Variants in SLC24A3 observed in about 807,000 individuals in gnomAD.
The protein encoded by SLC24A3 is solute carrier family 24 member 3.
A neutral mutation model predicts 75.8 loss-of-function variants in SLC24A3; 28 were observed. The ratio of observed to expected loss-of-function variants is 0.37; its 90% CI spans 0.27 to 0.51. The LOEUF (loss-of-function observed/expected upper bound fraction) is 0.51, where lower values mean the gene tolerates loss of function less well. Among genes scored for constraint, SLC24A3 ranks in the 20% least tolerant of loss-of-function variants. The pLI, the probability that SLC24A3 is intolerant of heterozygous loss-of-function variation, is 0.94. For synonymous variants in SLC24A3, 372 were observed against 334.1 expected (o/e 1.11, Z -1.24); for missense variants, 663 against 847.8 (o/e 0.78, Z 2.71).
At chr20:19,261,410 C>T (rs1239559900) in intron 1 of SLC24A3, among the ~76,000 whole-genome samples, 1 of 152,194 alleles carries the variant, frequency 6.6e-6, no homozygotes, top group Non-Finnish European at 1.5e-5. Context: ...GGCATGATCA[C>T]AGCTCACTGC....
intron 6 of SLC24A3, among the ~76,000 whole-genome samples, chr20:19,624,497 CA>C (rs1327614223): frequency 6.6e-6 from 1 of 152,118 alleles, no homozygotes; most frequent in East Asian, 1.9e-4. Context: ...GGGCCCAGGA[CA>C]AAATAGCAGC....
intron 6 of SLC24A3, among the ~76,000 whole-genome samples, chr20:19,586,894 C>T (rs1272366336): frequency 2.0e-5 from 3 of 152,210 alleles, no homozygotes; most frequent in Non-Finnish European, 2.9e-5. Flanking sequence ...AGTCAATGAG[C>T]TCATGTCTTA....
intron 3 of SLC24A3, among the ~76,000 whole-genome samples, chr20:19,535,816 G>T (rs1392568570): frequency 6.6e-6 from 1 of 152,136 alleles, no homozygotes; most frequent in African/African-American, 2.4e-5. Context: ...CACAGACTAG[G>T]AAATTTATAA....
chr20:19,472,383 C>T (rs899978691), intron 2 of SLC24A3, among the ~76,000 whole-genome samples: 98 of 152,228 alleles, frequency 6.4e-4, no homozygotes, highest in African/African-American at 2.3e-3. Flanking sequence ...TCTTTACCTT[C>T]CAGAGAAACT....
intron 1 of SLC24A3, among the ~76,000 whole-genome samples, chr20:19,265,560 T>C (rs188547476): frequency 2.6e-5 from 4 of 152,214 alleles, no homozygotes; most frequent in Non-Finnish European, 5.9e-5. Context: ...AGCTATGAGC[T>C]TCTCAGGTGC....
intron 12 of SLC24A3, among the ~76,000 whole-genome samples, chr20:19,692,396 A>G (rs775509180): frequency 4.6e-5 from 7 of 152,226 alleles, no homozygotes; most frequent in African/African-American, 1.4e-4. Context: ...CCACCGCCAT[A>G]TGGATAACAA....
At chr20:19,498,843 G>A (rs1387960638) in intron 2 of SLC24A3, among the ~76,000 whole-genome samples, 1 of 152,192 alleles carries the variant, frequency 6.6e-6, no homozygotes, top group African/African-American at 2.4e-5. Flanking sequence ...CAGCGGAAAT[G>A]TTTTGCGTGA....
At chr20:19,363,710 A>T (rs3790192) in intron 2 of SLC24A3, among the ~76,000 whole-genome samples, 3,156 of 152,346 alleles carry the variant, frequency 0.021, 40 homozygotes, top group East Asian at 0.035. Flanking sequence ...CTAGAGAACT[A>T]CAACAGACTG....
chr20:19,595,493 G>A (rs2031440725), intron 6 of SLC24A3, among the ~76,000 whole-genome samples: 1 of 152,186 alleles, frequency 6.6e-6, no homozygotes. Context: ...TGGATGCATG[G>A]ATGAATGAGT....
At chr20:19,674,395 G>A (rs2032501054) in intron 9 of SLC24A3, among the ~76,000 whole-genome samples, 1 of 152,228 alleles carries the variant, frequency 6.6e-6, no homozygotes, top group Non-Finnish European at 1.5e-5. Flanking sequence ...AGCCAGAGCT[G>A]CCATCATGTA....
chr20:19,252,840 C>T (rs2122182345), intron 1 of SLC24A3, among the ~76,000 whole-genome samples: 1 of 152,230 alleles, frequency 6.6e-6, no homozygotes, highest in East Asian at 1.9e-4. Flanking sequence ...GAGGGGTCAG[C>T]ATGTTTAGAA....
chr20:19,228,196 C>A (rs1319593657), intron 1 of SLC24A3, among the ~76,000 whole-genome samples: 3 of 152,048 alleles, frequency 2.0e-5, no homozygotes, highest in Non-Finnish European at 4.4e-5. Flanking sequence ...GAATCAATAT[C>A]TTTAGGTTCA....
chr20:19,653,199 C>T (rs549019122), intron 6 of SLC24A3, among the ~76,000 whole-genome samples: 1 of 152,338 alleles, frequency 6.6e-6, no homozygotes, highest in South Asian at 2.1e-4. Flanking sequence ...TCTCCTCAAA[C>T]TCTCCCGACC....
intron 3 of SLC24A3, among the ~76,000 whole-genome samples, chr20:19,520,275 G>A (rs1319630051): frequency 6.6e-6 from 1 of 152,158 alleles, no homozygotes; most frequent in Non-Finnish European, 1.5e-5. Context: ...TAAACCCTAG[G>A]CACGCCCTGA....
chr20:19,459,155 G>A (rs1175437221), intron 2 of SLC24A3, among the ~76,000 whole-genome samples: 4 of 152,170 alleles, frequency 2.6e-5, no homozygotes, highest in African/African-American at 9.7e-5. Flanking sequence ...ACTTGAATTG[G>A]TTGAGATACC....
intron 2 of SLC24A3, among the ~76,000 whole-genome samples, chr20:19,328,265 G>A (rs1180549356): frequency 1.3e-5 from 2 of 151,754 alleles, no homozygotes; most frequent in African/African-American, 4.8e-5. Flanking sequence ...TGGGGAACCA[G>A]GTCTCTTAGG....
At chr20:19,662,891 A>G (rs2032346095) in intron 7 of SLC24A3, among the ~76,000 whole-genome samples, 1 of 152,228 alleles carries the variant, frequency 6.6e-6, no homozygotes, top group Non-Finnish European at 1.5e-5. Flanking sequence ...TGCTCCATCA[A>G]GATGGTCCAG....
At chr20:19,511,727 T>C (rs964572786) in intron 2 of SLC24A3, among the ~76,000 whole-genome samples, 1 of 152,222 alleles carries the variant, frequency 6.6e-6, no homozygotes, top group African/African-American at 2.4e-5. Flanking sequence ...TAGTATTCTT[T>C]GCAAGCTGTG....
chr20:19,518,038 A>C, intron 3 of SLC24A3, among the ~76,000 whole-genome samples: 1 of 152,192 alleles, frequency 6.6e-6, no homozygotes, highest in South Asian at 2.1e-4. Flanking sequence ...GGAGTTGGAC[A>C]GTCACTTTTT....
Sources: gnomAD v4.1 joint callset for allele counts (sites outside exome capture counted in the v4.1 genomes callset) on GRCh38, gnomAD v4.1.1 for gene constraint, MANE v1.5 for transcripts, NCBI Gene and HGNC (gene_info 2026-07-23, HGNC 2026-07-21) for gene names.